The following APOLD1 variants were observed in gnomAD, a reference collection of about 807,000 sequenced individuals.
APOLD1 encodes the protein apolipoprotein L domain-containing protein 1.
In APOLD1, 22 loss-of-function variants were observed where a neutral mutation model predicts 15.3. The ratio of observed to expected loss-of-function variants is 1.44; its 90% CI spans 1.03 to 2.05. The LOEUF is 2.05. Among genes scored for constraint, APOLD1 ranks in the 30% most tolerant of loss-of-function variants. APOLD1 has a pLI of 0.00. For missense variants in APOLD1, 394 were observed against 353.5 expected (o/e 1.11, Z -0.92); for synonymous variants, 190 against 167.4 (o/e 1.13, Z -1.04).
intron 1 of APOLD1, among the ~76,000 whole-genome samples, chr12:12,760,416 T>A (rs1383609690): frequency 6.6e-6 from 1 of 151,978 alleles, no homozygotes; most frequent in African/African-American, 2.4e-5. Context: ...AGTGGGCAGA[T>A]CACCTGAGGG....
At chr12:12,778,626 C>G (rs932703512) in intron 1 of APOLD1, among the ~76,000 whole-genome samples, 2 of 152,278 alleles carry the variant, frequency 1.3e-5, no homozygotes, top group East Asian at 3.9e-4. Flanking sequence ...GTGTGCCTAG[C>G]TCCTACCCCT....
Position 12,787,479 on chromosome 12 carries a change from C to T in APOLD1, c.574C>T (p.Gln192Ter), listed in dbSNP as rs1185780542. 2 of 1,614,046 alleles carry T rather than the reference C, an allele frequency of 1.2e-6. No individual in the cohort carries two copies. Among genetic ancestry groups the T allele is most frequent in the Non-Finnish European group, 1.7e-6 (2 of 1,180,040 alleles). ...GGCGGAGGGGGACACCAAGGTTAGC[C>T]AGGCCGTGCTGAAGGCCAAGATTCA... Reference protein sequence around the residue: ...RRAEGDTKVSQAVLKAKIQKL... With the variant: ...RRAEGDTKVS The change falls in exon 2 of 2, where the codon CAG becomes TAG. Residue 192 changes from glutamine to a stop codon, truncating the protein, a stop_gained. Coordinates refer to ENST00000356591, the MANE Select transcript of APOLD1 (RefSeq NM_030817.3). LOFTEE classifies it high-confidence loss of function. The surrounding 1 kb of genome is among the most constrained non-coding windows in gnomAD (Gnocchi z 4.9).
At chr12:12,769,025 C>T (rs1946963601) in intron 1 of APOLD1, among the ~76,000 whole-genome samples, 1 of 151,786 alleles carries the variant, frequency 6.6e-6, no homozygotes, top group South Asian at 2.1e-4. Flanking sequence ...CCCAGGAGTT[C>T]AAGACCAGCT....
Position 12,787,195 on chromosome 12 carries a change from C to A in APOLD1, c.290C>A (p.Ala97Asp). The change falls in exon 2 of 2, where the codon GCC (alanine) becomes GAC (aspartate). Residue 97 changes from alanine (A) to aspartate (D), a missense_variant. Coordinates refer to ENST00000356591, the MANE Select transcript of APOLD1 (RefSeq NM_030817.3). The surrounding 1 kb of genome is among the most constrained non-coding windows in gnomAD (Gnocchi z 4.9). The stretch of plus-strand genomic sequence containing the variant: ...GCCGTGGGGCTGGGGGTGGCCACAG[C>A]CGGAGGGGCCGTCACCATCACGTCC... ...VSAVGLGVAT[A>D]GGAVTITSDL... The A allele has an allele frequency of 1.3e-6, 2 of 1,544,918 alleles. No individual in the cohort carries two copies. Among genetic ancestry groups the A allele is most frequent in the East Asian group, 2.2e-5 (1 of 44,462 alleles).
intron 1 of APOLD1, among the ~76,000 whole-genome samples, chr12:12,755,064 G>T (rs544061489): frequency 2.4e-4 from 36 of 151,622 alleles, no homozygotes; most frequent in Non-Finnish European, 4.6e-4. Context: ...AAAAAATGAA[G>T]TTATTGTTAT....
At chr12:12,727,271 C>A (rs1009508146) in intron 1 of APOLD1, among the ~76,000 whole-genome samples, 9 of 152,108 alleles carry the variant, frequency 5.9e-5, no homozygotes, top group African/African-American at 2.2e-4. Flanking sequence ...TTAAATATTT[C>A]ATTAATAATT....
chr12:12,727,365 A>G (rs994496972), intron 1 of APOLD1, among the ~76,000 whole-genome samples: 1 of 152,122 alleles, frequency 6.6e-6, no homozygotes, highest in Non-Finnish European at 1.5e-5. Context: ...CATCTATTCC[A>G]TTTTACTTTT....
In APOLD1 at chr12:12,748,390, C is replaced by T. The variant is rs1233647780; in HGVS notation, c.96+22294C>T. Among the ~76,000 whole-genome samples the T allele has an allele frequency of 2.6e-5, 4 of 152,212 alleles. 1 individual carries two copies. Among genetic ancestry groups the T allele is most frequent in the African/African-American group, 9.6e-5 (4 of 41,460 alleles). ...GACTTCATGTGGCTCAAGAATCAGT[C>T]CCTCTACTTGTTCTCAAGGTTGCTA... On this transcript the variant is annotated intron_variant, in intron 1 of 1. Transcript: ENST00000326765.
rs779176543 is a variant in APOLD1, at chr12:12,728,690, A to AAAAAAG, written c.96+2595_96+2596insAAAAGA. Reference sequence around the variant, plus strand: ...CAAAAAAAAAAAAAAAAAAAAAAAAAAGAGAGAGAAAGAAAAGAAAGAAAG... The same window carrying AAAAAAG: ...CAAAAAAAAAAAAAAAAAAAAAAAAAAAAAAGAGAGAGAGAAAGAAAAGAAAGAAAG... On this transcript the variant is annotated intron_variant, in intron 1 of 1. Coordinates refer to the APOLD1 transcript ENST00000326765. Among the ~76,000 whole-genome samples the AAAAAAG allele has an allele frequency of 8.3e-4, 116 of 139,384 alleles. 3 individuals carry two copies. The highest frequency in any genetic ancestry group is 1.2e-3 in the African/African-American group (48 of 39,452). 91.4% of individuals were successfully genotyped at this position (139,384 alleles called of 152,430 possible).
intron 1 of APOLD1, among the ~76,000 whole-genome samples, chr12:12,739,810 A>C (rs1946717957): frequency 8.4e-6 from 1 of 119,174 alleles, no homozygotes. Context: ...ATCCTACCAG[A>C]TCCTACTTTT....
chr12:12,747,806 A>G (rs990279102), intron 1 of APOLD1, among the ~76,000 whole-genome samples: 2 of 152,248 alleles, frequency 1.3e-5, no homozygotes, highest in Admixed American at 6.5e-5. Context: ...GGGAGAAGCA[A>G]GTGAACACAC....
chr12:12,737,427 A>G (rs1264504411), intron 1 of APOLD1, among the ~76,000 whole-genome samples: 1 of 152,206 alleles, frequency 6.6e-6, no homozygotes, highest in Non-Finnish European at 1.5e-5. Flanking sequence ...CATTGAAGTG[A>G]GGTATAATTC....
intron 1 of APOLD1, among the ~76,000 whole-genome samples, chr12:12,777,662 A>T: frequency 7.2e-6 from 1 of 137,978 alleles, no homozygotes. Flanking sequence ...TCCTTTGAGC[A>T]TCACTCTAAA....
At chr12:12,735,398 C>A (rs990462895) in intron 1 of APOLD1, among the ~76,000 whole-genome samples, 1 of 151,902 alleles carries the variant, frequency 6.6e-6, no homozygotes, top group Non-Finnish European at 1.5e-5. Flanking sequence ...CAAGTTGAGA[C>A]CTGGAAGCTG....
chr12:12,750,865 C>T (rs1374129865), intron 1 of APOLD1, among the ~76,000 whole-genome samples: 1 of 151,972 alleles, frequency 6.6e-6, no homozygotes, highest in Non-Finnish European at 1.5e-5. Flanking sequence ...GCCTTGACCT[C>T]CTGGGCTGAA....
At chr12:12,773,682 G>A (rs752514198) in intron 1 of APOLD1, among the ~76,000 whole-genome samples, 7 of 152,120 alleles carry the variant, frequency 4.6e-5, no homozygotes, top group African/African-American at 1.4e-4. Context: ...ACCTCTTCCC[G>A]ACTTAATACT....
At chr12:12,779,033 C>A (rs760935393) in intron 1 of APOLD1, among the ~76,000 whole-genome samples, 1 of 152,194 alleles carries the variant, frequency 6.6e-6, no homozygotes, top group Non-Finnish European at 1.5e-5. Flanking sequence ...CTGCTTCCCA[C>A]TTTATGTTCA....
intron 1 of APOLD1, among the ~76,000 whole-genome samples, chr12:12,733,054 C>G (rs1401743947): frequency 6.6e-6 from 1 of 151,830 alleles, no homozygotes; most frequent in Non-Finnish European, 1.5e-5. Flanking sequence ...TGGCTCATGC[C>G]TGTAATCCCA....
At position 12,787,684 on chromosome 12, in the gene APOLD1, G is replaced by A; in HGVS notation, c.*32G>A. ...CCTTTCCCCCTAATGACCGAGGCCA[G>A]CAAATCATCCTCATGGGATGCTCCA... On this transcript the variant is annotated 3_prime_UTR_variant, in exon 2 of 2. Transcript: ENST00000356591. The surrounding 1 kb of genome is among the most constrained non-coding windows in gnomAD (Gnocchi z 4.9). 1.9e-6 allele frequency: 3 copies of A among 1,546,930 alleles called. No individual in the cohort carries two copies. Among genetic ancestry groups the A allele is most frequent in the South Asian group, 1.2e-5 (1 of 82,580 alleles).
Sources: allele counts gnomAD v4.1 joint callset (sites outside exome capture counted in the v4.1 genomes callset), GRCh38; gene constraint gnomAD v4.1.1; non-coding constraint Gnocchi (gnomAD v3.1); transcripts MANE v1.5; gene names NCBI Gene and HGNC (gene_info 2026-07-23, HGNC 2026-07-21).